The following TTC23 variants were observed in gnomAD, a reference collection of about 807,000 sequenced individuals.
TTC23 encodes the protein tetratricopeptide repeat protein 23.
In TTC23, 58 loss-of-function variants were observed where a neutral mutation model predicts 55.1. The ratio of observed to expected loss-of-function variants is 1.05; its 90% confidence interval spans 0.85 to 1.31. TTC23 has a LOEUF of 1.31. Among genes scored for constraint, TTC23 ranks in the 50% most tolerant of loss-of-function variants. The probability of loss-of-function intolerance (pLI) is 0.00; values close to 1 mark genes in which losing one functional copy is unlikely to be tolerated. For synonymous variants in TTC23, 203 were observed against 199.9 expected (o/e 1.02, Z -0.13); for missense variants, 516 against 534.4 (o/e 0.97, Z 0.34).
rs1368384824 is a variant in TTC23 at position 99,249,367 on chromosome 15, T to C, written c.-627A>G. 1 of 152,222 alleles carries C rather than the reference T, an allele frequency of 6.6e-6. No homozygotes were observed. Among genetic ancestry groups the C allele is most frequent in the East Asian group, 1.9e-4 (1 of 5,200 alleles). 9.4% of individuals were successfully genotyped at this position (152,222 alleles called of 1,614,324 possible). ...TTTCTGTAACTCTCCAATCTCCAAC[T>C]ATGTCGTAAAATCCCTTGCCAGTTT... On this transcript the variant is annotated 5_prime_UTR_variant, in exon 1 of 14. The change creates a new upstream start codon in the 5' untranslated region. Transcript: ENST00000394132.
intron 4 of TTC23, among the ~76,000 whole-genome samples, chr15:99,228,959 CACAT>C (rs1381952595): frequency 2.0e-5 from 2 of 101,870 alleles, no homozygotes; most frequent in African/African-American, 7.0e-5. Context: ...TACATATACA[CACAT>C]ACATACACAT....
At position 99,148,722 on chromosome 15, in the gene TTC23, T is replaced by G. The variant is rs1324224659; in HGVS notation, c.1143+7426A>C. 40 of 152,232 alleles carry G rather than the reference T, an allele frequency of 2.6e-4. 1 individual carries two copies. The highest frequency in any genetic ancestry group is 2.6e-3 in the Admixed American group (40 of 15,282). The allele number at this position is 152,232 out of a possible 1,614,324, so 9.4% of individuals were successfully genotyped here. The stretch of plus-strand genomic sequence containing the variant: ...TGCAGCCTTTCACCTGAGGAAAACG[T>G]TGGTGACGATGACCATTCTAGAATA... On this transcript the variant is annotated intron_variant, in intron 12 of 13. Transcript: ENST00000394132.
At chr15:99,223,240 C>T (rs946904995) in intron 5 of TTC23, among the ~76,000 whole-genome samples, 1 of 152,136 alleles carries the variant, frequency 6.6e-6, no homozygotes, top group African/African-American at 2.4e-5. Context: ...TGTGTCTCCT[C>T]CCCAACCTCC....
intron 1 of TTC23, among the ~76,000 whole-genome samples, 199 bp from the exon 2 acceptor site, chr15:99,245,709 T>C (rs1465114196): frequency 6.6e-6 from 1 of 151,486 alleles, no homozygotes; most frequent in Non-Finnish European, 1.5e-5. Flanking sequence ...TAAAGTTGGA[T>C]CTCTACACCT....
At chr15:99,194,720 G>A (rs2075553625) in intron 9 of TTC23, among the ~76,000 whole-genome samples, 1 of 152,190 alleles carries the variant, frequency 6.6e-6, no homozygotes, top group African/African-American at 2.4e-5. Flanking sequence ...CAGATCACCT[G>A]AGGTCGGGAG....
chr15:99,230,349 G>C (rs1190435763), intron 4 of TTC23, among the ~76,000 whole-genome samples: 2 of 151,962 alleles, frequency 1.3e-5, no homozygotes, highest in Non-Finnish European at 2.9e-5. Flanking sequence ...AAAATCAGTG[G>C]GCTGTAAAAC....
intron 6 of TTC23, 148 bp from the exon 7 acceptor site, chr15:99,219,196 C>A: frequency 1.2e-6 from 1 of 856,022 alleles, no homozygotes; most frequent in Non-Finnish European, 1.7e-6. Flanking sequence ...TGAAACACTG[C>A]CATGACTGTA....
intron 4 of TTC23, among the ~76,000 whole-genome samples, chr15:99,231,642 G>A (rs888984528): frequency 9.9e-5 from 15 of 151,980 alleles, no homozygotes; most frequent in Admixed American, 9.2e-4. Flanking sequence ...ACAGGCGCCC[G>A]CCACCATACC....
Position 99,203,412 on chromosome 15 carries a change from G to A in TTC23, c.582-3316C>T, listed in dbSNP as rs1047269000. Among the ~76,000 whole-genome samples the A allele has an allele frequency of 1.4e-4, 22 of 151,986 alleles. 1 individual carries two copies. The highest frequency in any genetic ancestry group is 1.1e-3 in the Admixed American group (17 of 15,254). On this transcript the variant is annotated intron_variant, in intron 8 of 13. Transcript: ENST00000394132. ...TTTGATATAAGCACACAAAGTTAAT[G>A]ATCGAATCAGGGTTATAGCATACCC...
At chr15:99,206,713 G>C (rs2076658175) in intron 8 of TTC23, among the ~76,000 whole-genome samples, 1 of 151,878 alleles carries the variant, frequency 6.6e-6, no homozygotes, top group African/African-American at 2.4e-5. Context: ...GTTTTTCTTA[G>C]TCTAGTAAAG....
intron 3 of TTC23, among the ~76,000 whole-genome samples, chr15:99,240,035 T>G (rs2152092444): frequency 6.6e-6 from 1 of 152,356 alleles, no homozygotes; most frequent in South Asian, 2.1e-4. Flanking sequence ...GACCACAGTC[T>G]ACAGCAGTGG....
chr15:99,230,171 T>A (rs1009811291), intron 4 of TTC23, among the ~76,000 whole-genome samples: 1 of 152,092 alleles, frequency 6.6e-6, no homozygotes, highest in Admixed American at 6.5e-5. Flanking sequence ...TCTATATGTT[T>A]AAAAAGTTAA....
chr15:99,196,128 G>C (rs1205260129), intron 9 of TTC23, among the ~76,000 whole-genome samples: 2 of 150,778 alleles, frequency 1.3e-5, no homozygotes, highest in Non-Finnish European at 3.0e-5. Flanking sequence ...CTCCAGCCTG[G>C]GCGACACAGC....
chr15:99,228,709 G>C lies in TTC23; in HGVS notation c.4C>G (p.Gln2Glu). 1 of 1,589,358 alleles carries C rather than the reference G, an allele frequency of 6.3e-7. No homozygotes were observed. The highest frequency in any genetic ancestry group is 8.6e-7 in the Non-Finnish European group (1 of 1,167,506). M[Q>E]ESQETHISNH... The stretch of plus-strand genomic sequence containing the variant: ...GATATGTGGGTTTCCTGTGATTCTT[G>C]CATATTTTTATATACATTGTCTTCT... Residue 2 changes from glutamine (Q) to glutamate (E), a missense_variant, in exon 5 of 14, where the codon CAA becomes GAA. Transcript: ENST00000394132.
At chr15:99,183,468 C>A (rs1366324947) in intron 9 of TTC23, among the ~76,000 whole-genome samples, 16 of 149,590 alleles carry the variant, frequency 1.1e-4, no homozygotes, top group African/African-American at 3.9e-4. Context: ...ACTACAGGCA[C>A]GTGCCACCAC....
intron 8 of TTC23, among the ~76,000 whole-genome samples, chr15:99,201,714 T>C (rs1359731832): frequency 2.0e-5 from 3 of 152,184 alleles, no homozygotes; most frequent in African/African-American, 7.2e-5. Context: ...GAAACTCTAA[T>C]CTGGGAAGGA....
intron 9 of TTC23, among the ~76,000 whole-genome samples, chr15:99,181,107 G>A (rs2074069384): frequency 6.6e-6 from 1 of 152,222 alleles, no homozygotes; most frequent in Non-Finnish European, 1.5e-5. Context: ...CAGGAGATGA[G>A]GTTGAAGGTC....
intron 9 of TTC23, among the ~76,000 whole-genome samples, chr15:99,198,747 A>G (rs1434418604): frequency 6.6e-6 from 1 of 152,230 alleles, no homozygotes; most frequent in Non-Finnish European, 1.5e-5. Context: ...ATAAAGTGAG[A>G]AAAAGGGGCA....
intron 5 of TTC23, among the ~76,000 whole-genome samples, chr15:99,226,396 G>C (rs886479908): frequency 2.6e-5 from 4 of 152,170 alleles, no homozygotes; most frequent in African/African-American, 9.7e-5. Context: ...AAAACAATTA[G>C]AGTCAGAGAA....
Sources: gnomAD v4.1 joint callset for allele counts (sites outside exome capture counted in the v4.1 genomes callset) on GRCh38, gnomAD v4.1.1 for gene constraint, MANE v1.5 for transcripts, NCBI Gene and HGNC (gene_info 2026-07-23, HGNC 2026-07-21) for gene names.